The following GRIN2A variants were observed in gnomAD, a reference collection of about 807,000 sequenced individuals.
GRIN2A encodes glutamate receptor ionotropic, NMDA 2A.
GRIN2A carries 22 observed loss-of-function variants against 113.4 expected under a neutral mutation model. The observed-to-expected ratio is 0.19, with a 90% confidence interval of 0.14 to 0.28. The LOEUF (loss-of-function observed/expected upper bound fraction) is 0.28. Ranked by LOEUF, GRIN2A falls within the 10% of genes least tolerant of loss-of-function variation. GRIN2A has a pLI of 1.00. For synonymous variants in GRIN2A, 827 were observed against 738.4 expected, an observed-to-expected ratio of 1.12 and a Z score of -1.94; for missense variants, 1,502 against 1,887.0, an observed-to-expected ratio of 0.80 and a Z score of 3.78.
chr16:9,772,109 G>A lies in GRIN2A; in HGVS notation c.2357-3020C>T, dbSNP rs115264766. The stretch of plus-strand genomic sequence containing the variant: ...AAATGGGTGCTGATCAATCGGTTGT[G>A]TAGGTAAAGGGATGAGAAGAGGGTA... On this transcript the variant is annotated intron_variant, in intron 11 of 12. Coordinates refer to ENST00000330684, the MANE Select transcript of GRIN2A (RefSeq NM_001134407.3). 9.8e-3 allele frequency among the ~76,000 whole-genome samples: 1,492 copies of A among 152,280 alleles called. 18 individuals carry two copies. Among genetic ancestry groups the A allele is most frequent in the African/African-American group, 0.034 (1,428 of 41,560 alleles).
chr16:10,087,413 T>A (rs1382049568), intron 2 of GRIN2A, among the ~76,000 whole-genome samples: 2 of 152,206 alleles, frequency 1.3e-5, no homozygotes, highest in Non-Finnish European at 2.9e-5. Flanking sequence ...TTAAGATCCA[T>A]CTCTTCATCT....
chr16:10,019,005 G>A (rs944014746), intron 2 of GRIN2A, among the ~76,000 whole-genome samples: 1 of 151,064 alleles, frequency 6.6e-6, no homozygotes, highest in Non-Finnish European at 1.5e-5. Flanking sequence ...TTTGGAAAAC[G>A]TGTTTTTAAC....
Position 9,885,558 on chromosome 16 carries a change from G to C in GRIN2A, c.1122+5428C>G, listed in dbSNP as rs1301938166. On this transcript the variant is annotated intron_variant, in intron 4 of 12. Transcript: ENST00000330684. ...TGGAAAAAAGCAAGTGCCCCTCTAAGGGCTTGTCGTGTTTTCCCAGACACC... is the reference window on the plus strand; with the variant it reads ...TGGAAAAAAGCAAGTGCCCCTCTAACGGCTTGTCGTGTTTTCCCAGACACC... 3.3e-5 allele frequency among the ~76,000 whole-genome samples: 5 copies of C among 152,304 alleles called. No homozygotes were observed. The South Asian group carries it at 1.0e-3, about 32-fold the overall frequency.
In GRIN2A at chr16:9,763,016, C is replaced by G; in HGVS notation, c.*133G>C. 8 of 899,518 alleles carry G rather than the reference C, an allele frequency of 8.9e-6. No homozygotes were observed. Among genetic ancestry groups the G allele is most frequent in the Non-Finnish European group, 1.4e-5 (8 of 581,386 alleles). 55.7% of individuals were successfully genotyped at this position (899,518 alleles called of 1,614,324 possible). ...ATGAAGCCGTGTGCAAAAGAGCCAA[C>G]AACAACAACAACAAAATACCTCCCT... is the stretch of plus-strand genomic sequence containing the variant. On this transcript the variant is annotated 3_prime_UTR_variant, in exon 13 of 13. Transcript: ENST00000330684.
chr16:10,137,410 A>G (rs950587123), intron 2 of GRIN2A, among the ~76,000 whole-genome samples: 2 of 152,162 alleles, frequency 1.3e-5, no homozygotes, highest in African/African-American at 4.8e-5. Flanking sequence ...TATTTTCTCC[A>G]TCTTAGTTTG....
At chr16:9,767,050 A>G (rs1652750915) in intron 12 of GRIN2A, among the ~76,000 whole-genome samples, 3 of 152,244 alleles carry the variant, frequency 2.0e-5, no homozygotes, top group African/African-American at 7.2e-5. Flanking sequence ...AACAGTGTGC[A>G]TTTGTTTGGT....
At chr16:10,044,690 C>T (rs78074953) in intron 2 of GRIN2A, among the ~76,000 whole-genome samples, 3 of 150,588 alleles carry the variant, frequency 2.0e-5, no homozygotes, top group East Asian at 1.9e-4. Flanking sequence ...GGGATGCACA[C>T]GTTTATCATT....
chr16:10,104,123 T>C (rs376679249), intron 2 of GRIN2A, among the ~76,000 whole-genome samples: 4 of 152,348 alleles, frequency 2.6e-5, no homozygotes, highest in Non-Finnish European at 2.9e-5. Context: ...AGGGTTGTTA[T>C]TTTTTCTCTA....
At chr16:9,899,273 T>C (rs1256367372) in intron 3 of GRIN2A, among the ~76,000 whole-genome samples, 4 of 151,594 alleles carry the variant, frequency 2.6e-5, no homozygotes, top group Non-Finnish European at 5.9e-5. Context: ...ACTCCATCTC[T>C]ACTAAAAATA....
At chr16:9,911,561 T>C (rs1291984790) in intron 3 of GRIN2A, among the ~76,000 whole-genome samples, 5 of 152,164 alleles carry the variant, frequency 3.3e-5, no homozygotes, top group African/African-American at 1.2e-4. Flanking sequence ...TGAGAATTCA[T>C]CGAGAGTCCT....
At chr16:9,941,099 G>A (rs1228011820) in intron 2 of GRIN2A, among the ~76,000 whole-genome samples, 1 of 152,174 alleles carries the variant, frequency 6.6e-6, no homozygotes, top group Non-Finnish European at 1.5e-5. Context: ...TCAGCATCTT[G>A]CACTAAGTAC....
intron 2 of GRIN2A, among the ~76,000 whole-genome samples, chr16:10,016,248 GGAAA>G (rs886439334): frequency 2.6e-4 from 39 of 152,054 alleles, no homozygotes; most frequent in African/African-American, 9.2e-4. Context: ...GGGACAGTCA[GGAAA>G]GACACTTTGG....
intron 1 of GRIN2A, among the ~76,000 whole-genome samples, chr16:10,181,117 G>A (rs1460155481): frequency 6.6e-6 from 1 of 152,218 alleles, no homozygotes; most frequent in Non-Finnish European, 1.5e-5. Flanking sequence ...GCTGTGCCTG[G>A]GGAACTTGGG....
chr16:10,105,804 G>C (rs961608649), intron 2 of GRIN2A, among the ~76,000 whole-genome samples: 1 of 152,218 alleles, frequency 6.6e-6, no homozygotes, highest in East Asian at 1.9e-4. Flanking sequence ...CTACTTGGGA[G>C]GCTGAGGCAG....
chr16:9,769,511 C>G (rs1419019318), intron 11 of GRIN2A, among the ~76,000 whole-genome samples: 1 of 148,540 alleles, frequency 6.7e-6, no homozygotes, highest in Admixed American at 6.7e-5. Context: ...TTCCCTTACC[C>G]CTGCCCCCAA....
chr16:9,844,645 G>T (rs947982391), intron 5 of GRIN2A, among the ~76,000 whole-genome samples: 23 of 152,174 alleles, frequency 1.5e-4, no homozygotes, highest in African/African-American at 5.1e-4. Context: ...TATAGCCGGT[G>T]GATGTGAGCA....
intron 2 of GRIN2A, among the ~76,000 whole-genome samples, chr16:10,100,717 C>G (rs574042092): frequency 6.6e-6 from 1 of 152,332 alleles, no homozygotes; most frequent in African/African-American, 2.4e-5. Context: ...ATAGTGCCCC[C>G]CTGCTGGATT....
chr16:9,852,016 G>A (rs190507979), intron 4 of GRIN2A, among the ~76,000 whole-genome samples: 275 of 152,194 alleles, frequency 1.8e-3, no homozygotes, highest in African/African-American at 6.0e-3. Context: ...TATCTCCACC[G>A]TAGCATTTTA....
chr16:10,067,522 C>T (rs1316241343), intron 2 of GRIN2A, among the ~76,000 whole-genome samples: 1 of 152,190 alleles, frequency 6.6e-6, no homozygotes, highest in Non-Finnish European at 1.5e-5. Context: ...ACCAGAAACA[C>T]AAATGTGTAT....
Sources: allele counts gnomAD v4.1 joint callset (sites outside exome capture counted in the v4.1 genomes callset), GRCh38; gene constraint gnomAD v4.1.1; transcripts MANE v1.5; gene names NCBI Gene and HGNC (gene_info 2026-07-23, HGNC 2026-07-21).